GALNT9: variants seen among roughly 807,000 people sequenced by gnomAD.
GALNT9 encodes the protein GalNAc transferase 9.
GALNT9 carries 47 observed loss-of-function variants against 63.1 expected under a neutral mutation model. The observed-to-expected ratio is 0.75, with a 90% CI of 0.59 to 0.95. GALNT9 has a LOEUF of 0.95. Among genes scored for constraint, GALNT9 ranks in the 40% least tolerant of loss-of-function variants. The probability of loss-of-function intolerance (pLI) is 0.00; values close to 1 mark genes in which losing one functional copy is unlikely to be tolerated. For missense variants in GALNT9, 829 were observed against 874.8 expected, an observed-to-expected ratio of 0.95 and a Z score of 0.66; for synonymous variants, 396 against 365.7, an observed-to-expected ratio of 1.08 and a Z score of -0.94.
intron 6 of GALNT9, among the ~76,000 whole-genome samples, chr12:132,210,838 TCTGGAGGTC>T (rs1565987776): frequency 6.8e-6 from 1 of 147,896 alleles, no homozygotes; most frequent in African/African-American, 2.6e-5. Context: ...GAGGTCGCCG[TCTGGAGGTC>T]GCCGTCTGGC....
intron 6 of GALNT9, among the ~76,000 whole-genome samples, chr12:132,243,295 C>T (rs1591589423): frequency 7.0e-6 from 1 of 143,066 alleles, no homozygotes; most frequent in South Asian, 2.1e-4. Flanking sequence ...CTTCCCGGGG[C>T]CCTCCCTATA....
chr12:132,261,523 C>A lies in GALNT9; in HGVS notation c.587-401G>T, dbSNP rs951715555. Among the ~76,000 whole-genome samples the A allele has an allele frequency of 3.3e-5, 5 of 152,354 alleles. No individual in the cohort carries two copies. In the East Asian group the frequency reaches 9.6e-4, roughly 29 times the overall value. On this transcript the variant is annotated intron_variant, in intron 3 of 10. Transcript: ENST00000328957. Reference sequence around the variant, plus strand: ...GCTCCCTGTGGCCAAGGGCAAGACACAGGTAGCCGAGCTGGACTGGATGGT... The same window carrying A: ...GCTCCCTGTGGCCAAGGGCAAGACAAAGGTAGCCGAGCTGGACTGGATGGT...
At chr12:132,211,762 G>A (rs979063906) in intron 6 of GALNT9, among the ~76,000 whole-genome samples, 4 of 152,328 alleles carry the variant, frequency 2.6e-5, no homozygotes, top group Admixed American at 6.5e-5. Context: ...ATTAGGAGAT[G>A]GGCACGGAAG....
chr12:132,325,338 A>G (rs782111562), intron 1 of GALNT9, among the ~76,000 whole-genome samples: 2 of 152,244 alleles, frequency 1.3e-5, no homozygotes, highest in African/African-American at 2.4e-5. Context: ...GTACCGCCAG[A>G]GGCCTTGGGC....
intron 4 of GALNT9, among the ~76,000 whole-genome samples, chr12:132,259,799 G>A (rs188730886): frequency 2.4e-4 from 36 of 152,310 alleles, no homozygotes; most frequent in Non-Finnish European, 3.7e-4. Context: ...AAGGCCCCCT[G>A]CAGTGACAAC....
chr12:132,212,031 C>T (rs1323900941), intron 6 of GALNT9, among the ~76,000 whole-genome samples: 1 of 152,234 alleles, frequency 6.6e-6, no homozygotes, highest in Non-Finnish European at 1.5e-5. Flanking sequence ...TGGCAGCGGA[C>T]GTGCACGCAG....
intron 2 of GALNT9, chr12:132,275,160 T>G (rs1411719167): frequency 6.6e-6 from 1 of 152,406 alleles, no homozygotes; most frequent in Non-Finnish European, 1.5e-5. Context: ...AGGCTGTCCT[T>G]GCCAGGCAGT....
At chr12:132,239,839 AAG>A (rs1236871309) in intron 6 of GALNT9, among the ~76,000 whole-genome samples, 1 of 151,744 alleles carries the variant, frequency 6.6e-6, no homozygotes, top group Non-Finnish European at 1.5e-5. Flanking sequence ...GAGAGAGACA[AAG>A]AGAGACAGAC....
At chr12:132,197,484 T>C (rs530241250) in intron 10 of GALNT9, among the ~76,000 whole-genome samples, 144 of 152,260 alleles carry the variant, frequency 9.5e-4, no homozygotes, top group Non-Finnish European at 1.9e-3. Context: ...GTTGGAATCA[T>C]ACCTCATCCC....
At chr12:132,237,209 G>A (rs1878037429) in intron 6 of GALNT9, among the ~76,000 whole-genome samples, 1 of 152,072 alleles carries the variant, frequency 6.6e-6, no homozygotes, top group South Asian at 2.1e-4. Context: ...TGGAGCTCCT[G>A]TATCTGCCGT....
intron 2 of GALNT9, among the ~76,000 whole-genome samples, chr12:132,262,951 C>T (rs926095294): frequency 3.9e-5 from 6 of 152,176 alleles, no homozygotes; most frequent in Non-Finnish European, 8.8e-5. Context: ...ACACAGCACT[C>T]AGCACACACA....
In GALNT9 at chr12:132,282,427, G is replaced by A. The variant is rs28711831; in HGVS notation, c.419+3823C>T. 0.1 allele frequency among the ~76,000 whole-genome samples: 15,213 copies of A among 152,188 alleles called. 2,037 individuals are homozygous for A. Among genetic ancestry groups the A allele is most frequent in the African/African-American group, 0.3 (12,599 of 41,500 alleles). ...CGCGTGTGTGCGTGTGTGTGCGTGT[G>A]TGCGTGCATGCGTGTGTGTGCGTGT... On this transcript the variant is annotated intron_variant, in intron 2 of 10. Transcript: ENST00000328957. The surrounding 1 kb of genome is among the most constrained non-coding windows in gnomAD (Gnocchi z 4.5).
chr12:132,307,753 G>A (rs1188117715), intron 1 of GALNT9, among the ~76,000 whole-genome samples: 1 of 151,748 alleles, frequency 6.6e-6, no homozygotes, highest in East Asian at 1.9e-4. Flanking sequence ...AGAATCACCT[G>A]CACCTAGGAG....
intron 1 of GALNT9, among the ~76,000 whole-genome samples, chr12:132,307,802 C>T (rs1881668557): frequency 6.6e-6 from 1 of 152,152 alleles, no homozygotes; most frequent in Non-Finnish European, 1.5e-5. Flanking sequence ...CCAATGCACT[C>T]CAGCCTGGGC....
chr12:132,290,627 T>G (rs1240320118), intron 1 of GALNT9, among the ~76,000 whole-genome samples: 1 of 36,210 alleles, frequency 2.8e-5, no homozygotes, highest in Non-Finnish European at 5.2e-5. Context: ...ACAACCACAG[T>G]GCCCACGTCC....
In GALNT9 at chr12:132,310,671, G is replaced by C. The variant is rs930924525; in HGVS notation, c.238+18295C>G. ...GAGTCACTGATTTCCATCTGTTACA[G>C]TGACTGAAGCCAATATTCTGAGAGA... On this transcript the variant is annotated intron_variant, in intron 1 of 10. Coordinates refer to ENST00000328957, the MANE Select transcript of GALNT9 (RefSeq NM_001122636.2). The surrounding 1 kb of genome is among the most constrained non-coding windows in gnomAD (Gnocchi z 4.8). Among the ~76,000 whole-genome samples, 3 of 152,326 alleles carry C rather than the reference G, an allele frequency of 2.0e-5. No homozygotes were observed. Among genetic ancestry groups the C allele is most frequent in the South Asian group, 4.1e-4 (2 of 4,830 alleles).
At chr12:132,299,266 CTGAGA>C (rs1881201283) in intron 1 of GALNT9, among the ~76,000 whole-genome samples, 1 of 144,158 alleles carries the variant, frequency 6.9e-6, no homozygotes, top group Admixed American at 6.8e-5. Context: ...CAAGCCACTC[CTGAGA>C]TAACTCACTC....
chr12:132,250,262 A>T (rs1878857929), intron 5 of GALNT9, among the ~76,000 whole-genome samples: 1 of 145,446 alleles, frequency 6.9e-6, no homozygotes, highest in Non-Finnish European at 1.5e-5. Context: ...CAGGAAGTGG[A>T]TTCGTGGATG....
intron 6 of GALNT9, chr12:132,240,771 T>C (rs2136899462): frequency 2.2e-6 from 1 of 454,744 alleles, no homozygotes; most frequent in Non-Finnish European, 4.4e-6. Flanking sequence ...AATTGGAATG[T>C]GCAGTATGAT....
Sources: gnomAD v4.1 joint callset for allele counts (sites outside exome capture counted in the v4.1 genomes callset) on GRCh38, gnomAD v4.1.1 for gene constraint, Gnocchi (gnomAD v3.1) non-coding constraint, MANE v1.5 for transcripts, NCBI Gene and HGNC (gene_info 2026-07-23, HGNC 2026-07-21) for gene names.